Variants in TNFSF4 observed in about 807,000 individuals in gnomAD.
The protein encoded by TNFSF4 is TNF superfamily member 4, also known as tumor necrosis factor ligand superfamily member 4.
In TNFSF4, 4 loss-of-function variants were observed where a neutral mutation model predicts 7.3. The ratio of observed to expected loss-of-function variants is 0.55; its 90% CI spans 0.27 to 1.25. TNFSF4 has a LOEUF of 1.25. Ranked by LOEUF, TNFSF4 falls within the 50% of genes most tolerant of loss-of-function variation. The pLI, the probability that TNFSF4 is intolerant of heterozygous loss-of-function variation, is 0.12. For synonymous variants in TNFSF4, 76 were observed against 83.7 expected, an observed-to-expected ratio of 0.91 and a Z score of 0.50; for missense variants, 181 against 208.8, an observed-to-expected ratio of 0.87 and a Z score of 0.82.
At chr1:173,376,560 G>A in the TNFSF4 span, among the ~76,000 whole-genome samples, 1 of 152,202 alleles carries the variant, frequency 6.6e-6, no homozygotes, top group South Asian at 2.1e-4. Context: ...ACACCAATCA[G>A]TGCTCTGTGT....
the TNFSF4 span, among the ~76,000 whole-genome samples, chr1:173,317,969 G>C: frequency 1.3e-5 from 2 of 152,136 alleles, no homozygotes; most frequent in African/African-American, 4.8e-5. Context: ...ATGTCATCAG[G>C]ATAGAACAAA....
the TNFSF4 span, among the ~76,000 whole-genome samples, chr1:173,269,293 A>G: frequency 6.6e-6 from 1 of 152,126 alleles, no homozygotes; most frequent in Non-Finnish European, 1.5e-5. Flanking sequence ...GATAGTTTAT[A>G]TAGATAAACC....
the TNFSF4 span, among the ~76,000 whole-genome samples, chr1:173,322,730 G>A: frequency 1.3e-5 from 2 of 152,196 alleles, no homozygotes; most frequent in Non-Finnish European, 2.9e-5. Context: ...CGGCACACCA[G>A]GAGATTAAAT....
the TNFSF4 span, among the ~76,000 whole-genome samples, chr1:173,215,704 G>A: frequency 4.6e-5 from 7 of 152,070 alleles, no homozygotes; most frequent in Non-Finnish European, 1.0e-4. Context: ...CTTTCTTCAG[G>A]TGCAATCAGC....
chr1:173,203,440 C>A (rs1468156768), intron 1 of TNFSF4, among the ~76,000 whole-genome samples: 1 of 152,094 alleles, frequency 6.6e-6, no homozygotes, highest in Admixed American at 6.5e-5. Flanking sequence ...ATCTTATTTG[C>A]AGGTCTATTG....
chr1:173,270,615 C>T, the TNFSF4 span, among the ~76,000 whole-genome samples: 7 of 152,104 alleles, frequency 4.6e-5, no homozygotes, highest in Non-Finnish European at 8.8e-5. Context: ...AAGTCAGACA[C>T]TCAGCATGGT....
chr1:173,400,567 C>T, the TNFSF4 span, among the ~76,000 whole-genome samples: 1 of 152,342 alleles, frequency 6.6e-6, no homozygotes, highest in Non-Finnish European at 1.5e-5. Flanking sequence ...ATTAAAACTG[C>T]CACCTGGCCA....
the TNFSF4 span, among the ~76,000 whole-genome samples, chr1:173,235,473 A>G: frequency 6.6e-6 from 1 of 152,124 alleles, no homozygotes; most frequent in East Asian, 1.9e-4. Context: ...AGTCTGAGCC[A>G]CTCCATATTG....
chr1:173,234,881 C>T, the TNFSF4 span, among the ~76,000 whole-genome samples: 1 of 152,082 alleles, frequency 6.6e-6, no homozygotes, highest in Admixed American at 6.5e-5. Context: ...CAACATGGCA[C>T]ATGTGTACAT....
At chr1:173,395,289 C>G in the TNFSF4 span, among the ~76,000 whole-genome samples, 9 of 148,190 alleles carry the variant, frequency 6.1e-5, no homozygotes, top group Non-Finnish European at 1.3e-4. Flanking sequence ...ATGGCATACT[C>G]TGGCAATAGA....
the TNFSF4 span, among the ~76,000 whole-genome samples, chr1:173,369,212 T>C: frequency 1.3e-5 from 2 of 152,132 alleles, no homozygotes; most frequent in Non-Finnish European, 2.9e-5. Flanking sequence ...TCCCTCAGGG[T>C]ATGGCCCTCC....
chr1:173,319,737 C>A, the TNFSF4 span, among the ~76,000 whole-genome samples: 1 of 152,164 alleles, frequency 6.6e-6, no homozygotes, highest in African/African-American at 2.4e-5. Context: ...GGACCTCCAA[C>A]AAACTGAAGC....
At chr1:173,203,419 C>T (rs1650036205) in intron 1 of TNFSF4, among the ~76,000 whole-genome samples, 1 of 152,036 alleles carries the variant, frequency 6.6e-6, no homozygotes, top group Admixed American at 6.6e-5. Flanking sequence ...AATTCAAATG[C>T]CTTTGAAATT....
the TNFSF4 span, among the ~76,000 whole-genome samples, chr1:173,302,157 TC>T: frequency 1.3e-5 from 2 of 151,952 alleles, no homozygotes; most frequent in Middle Eastern, 6.8e-3. Context: ...AAGGATGATA[TC>T]CACTAGGACA....
the TNFSF4 span, among the ~76,000 whole-genome samples, chr1:173,323,284 G>A: frequency 6.6e-6 from 1 of 152,252 alleles, no homozygotes; most frequent in East Asian, 1.9e-4. Context: ...AGGGTCTGGA[G>A]TGGACCTTCA....
At chr1:173,415,380 C>T in the TNFSF4 span, among the ~76,000 whole-genome samples, 1 of 152,110 alleles carries the variant, frequency 6.6e-6, no homozygotes, top group African/African-American at 2.4e-5. Context: ...TCAAAGAGCA[C>T]CTTGAAGCCT....
At chr1:173,364,050 A>G in the TNFSF4 span, among the ~76,000 whole-genome samples, 1 of 152,164 alleles carries the variant, frequency 6.6e-6, no homozygotes, top group East Asian at 1.9e-4. Context: ...CAGAAATTTA[A>G]TTCCTAGGAA....
At chr1:173,178,418 C>CA in the TNFSF4 span, among the ~76,000 whole-genome samples, 57 of 151,950 alleles carry the variant, frequency 3.8e-4, 1 homozygote, top group Non-Finnish European at 1.0e-4. Flanking sequence ...ATTAAAAATA[C>CA]AAAAAATTAG....
the TNFSF4 span, among the ~76,000 whole-genome samples, chr1:173,445,466 C>A: frequency 6.6e-6 from 1 of 152,134 alleles, no homozygotes; most frequent in Non-Finnish European, 1.5e-5. Context: ...CTCATTCCCT[C>A]CCCCATTTTC....
Sources: gnomAD v4.1 joint callset for allele counts (sites outside exome capture counted in the v4.1 genomes callset) on GRCh38, gnomAD v4.1.1 for gene constraint, MANE v1.5 for transcripts, NCBI Gene and HGNC (gene_info 2026-07-23, HGNC 2026-07-21) for gene names.